The following HPX variants were observed in gnomAD, a reference collection of about 807,000 sequenced individuals.
HPX encodes the protein hemopexin.
In HPX, 42 loss-of-function variants were observed where a neutral mutation model predicts 53.8. The observed-to-expected ratio is 0.78, with a 90% CI of 0.61 to 1.01. HPX has a LOEUF of 1.01. Ranked by LOEUF, HPX falls within the 50% of genes least tolerant of loss-of-function variation. The pLI is 0.00. For missense variants in HPX, 547 were observed against 594.3 expected, an observed-to-expected ratio of 0.92 and a Z score of 0.83; for synonymous variants, 229 against 221.1, an observed-to-expected ratio of 1.04 and a Z score of -0.32.
In HPX at chr11:6,440,954, C is replaced by A. The variant is rs757829247; in HGVS notation, c.10G>T (p.Val4Leu). The A allele has an allele frequency of 1.2e-6, 2 of 1,604,942 alleles. No homozygotes were observed. The highest frequency in any genetic ancestry group is 2.7e-5 in the African/African-American group (2 of 74,834). MAR[V>L]LGAPVALGLW... ...CCCAGTGCAACGGGTGCTCCCAGTA[C>A]CCTAGCCATGCTGAGCTGCAGAGGC... Residue 4 changes from valine (V) to leucine (L), a missense_variant, in exon 1 of 10, where the codon GTA becomes TTA. Val to Leu is a conservative substitution (Grantham distance 32). Transcript: ENST00000265983.
intron 7 of HPX, among the ~76,000 whole-genome samples, chr11:6,434,254 C>A (rs577746335): frequency 6.6e-6 from 1 of 152,194 alleles, no homozygotes; most frequent in Non-Finnish European, 1.5e-5. Context: ...GAGTATACAG[C>A]GGTGACTGAC....
intron 6 of HPX, 73 bp from the exon 7 acceptor site, chr11:6,437,250 T>C: frequency 6.5e-7 from 1 of 1,536,058 alleles, no homozygotes; most frequent in Non-Finnish European, 8.8e-7. Flanking sequence ...GTGGAAGAGA[T>C]GGCTGGGGTT....
intron 7 of HPX, 119 bp downstream of exon 7, chr11:6,436,927 G>A: frequency 9.1e-7 from 1 of 1,097,994 alleles, no homozygotes; most frequent in South Asian, 1.4e-5. Context: ...GCAGAAGGAT[G>A]GGGACAGAGG....
rs148617877 is a variant in HPX at position 6,431,282 on chromosome 11, C to G, written c.1318G>C (p.Glu440Gln). ...AGGGCCTTGGCTGCATTCAGTTTCTCCACATCACTGTAGCAGTACAAATTG... is the reference window on the plus strand; with the variant it reads ...AGGGCCTTGGCTGCATTCAGTTTCTGCACATCACTGTAGCAGTACAAATTG... Reference protein sequence around the residue: ...GPNLYCYSDVEKLNAAKALPQ... With the variant: ...GPNLYCYSDVQKLNAAKALPQ... The change falls in exon 10 of 10, where the codon GAG (glutamate) becomes CAG (glutamine). Residue 440 changes from glutamate (E) to glutamine (Q), a missense_variant. Transcript: ENST00000265983. 1 of 1,614,148 alleles carries G rather than the reference C, an allele frequency of 6.2e-7. No individual in the cohort carries two copies. The highest frequency in any genetic ancestry group is 1.3e-5 in the African/African-American group (1 of 74,950).
Position 6,440,981 on chromosome 11 carries a change from A to T in HPX, c.-18T>A. The T allele has an allele frequency of 6.3e-7, 1 of 1,581,576 alleles. No individual in the cohort carries two copies. Among genetic ancestry groups the T allele is most frequent in the Non-Finnish European group, 8.6e-7 (1 of 1,158,692 alleles). ...CTAGCCATGCTGAGCTGCAGAGGCC[A>T]CAGGACAGCTCTGGGTGACCAGTTG... On this transcript the variant is annotated 5_prime_UTR_variant, in exon 1 of 10. Transcript: ENST00000265983.
intron 4 of HPX, 117 bp from the exon 5 acceptor site, chr11:6,438,626 C>G: frequency 1.1e-6 from 1 of 889,260 alleles, no homozygotes; most frequent in Non-Finnish European, 1.8e-6. Context: ...CCTACACATT[C>G]TCAGTCCATC....
chr11:6,431,960 G>C lies in HPX; in HGVS notation c.893C>G (p.Ala298Gly). Reference sequence around the variant, plus strand: ...TGAAGGACCCTGGGGCCACTGATGAGCAATGGGCCAGCTATGCCAGCCATC... The same window carrying C: ...TGAAGGACCCTGGGGCCACTGATGACCAATGGGCCAGCTATGCCAGCCATC... ...SRDGWHSWPI[A>G]HQWPQGPSAV... is the part of the protein sequence containing the mutation. Residue 298 changes from alanine to glycine, a missense_variant, in exon 8 of 10, where the codon GCT (alanine) becomes GGT (glycine). By Grantham distance (60) the Ala-to-Gly change is moderately conservative. Transcript: ENST00000265983. 6.2e-7 allele frequency: 1 copy of C among 1,614,172 alleles called. No homozygotes were observed. Among genetic ancestry groups the C allele is most frequent in the Non-Finnish European group, 8.5e-7 (1 of 1,179,988 alleles).
intron 5 of HPX, chr11:6,437,989 A>G: frequency 2.0e-6 from 1 of 512,340 alleles, no homozygotes; most frequent in Non-Finnish European, 3.5e-6. Flanking sequence ...GTGTACAGAG[A>G]ATAGCATAGG....
At chr11:6,435,997 G>A (rs2134134926) in intron 7 of HPX, among the ~76,000 whole-genome samples, 1 of 152,154 alleles carries the variant, frequency 6.6e-6, no homozygotes, top group South Asian at 2.1e-4. Flanking sequence ...TTGTCTGTGT[G>A]TCCTCCCAAT....
Position 6,431,147 on chromosome 11 carries a change from C to G in HPX, c.*64G>C. ...GGCCCCTCAGTGAGAAGCGAAGAAG[C>G]AATCTGTCTTTATTATGAGGAACTA... On this transcript the variant is annotated 3_prime_UTR_variant, in exon 10 of 10. Coordinates refer to ENST00000265983, the MANE Select transcript of HPX (RefSeq NM_000613.3). The G allele has an allele frequency of 6.3e-7, 1 of 1,592,636 alleles. No individual in the cohort carries two copies.
In HPX at chr11:6,440,461, T is replaced by C; in HGVS notation, c.214+6A>G. Reference sequence around the variant, plus strand: ...TCCTAAACGCCCTAACCTCAGTCCCTCCTACCTTTAAAAAACAGCATGGTT... The same window carrying C: ...TCCTAAACGCCCTAACCTCAGTCCCCCCTACCTTTAAAAAACAGCATGGTT... On this transcript the variant is annotated splice_donor_region_variant and intron_variant, in intron 3 of 9. Coordinates refer to ENST00000265983, the MANE Select transcript of HPX (RefSeq NM_000613.3). 1 of 1,607,912 alleles carries C rather than the reference T, an allele frequency of 6.2e-7. No homozygotes were observed. The highest frequency in any genetic ancestry group is 8.5e-7 in the Non-Finnish European group (1 of 1,177,990).
rs763023770 is a variant in HPX at position 6,440,915 on chromosome 11, A to C, written c.49T>G (p.Cys17Gly). The change falls in exon 1 of 10, where the codon TGC becomes GGC. Residue 17 changes from cysteine (C) to glycine (G), a missense_variant. Transcript: ENST00000265983. ...APVALGLWSL[C>G]WSLAIATPLP... Reference sequence around the variant, plus strand: ...GGGGTGGCAATGGCCAGAGACCAGCATAGGCTCCACAACCCCAGTGCAACG... The same window carrying C: ...GGGGTGGCAATGGCCAGAGACCAGCCTAGGCTCCACAACCCCAGTGCAACG... 6 of 1,612,736 alleles carry C rather than the reference A, an allele frequency of 3.7e-6. No individual in the cohort carries two copies. In the African/African-American group the frequency reaches 8.0e-5, roughly 22 times the overall value.
rs1349923309 is a variant in HPX at position 6,438,494 on chromosome 11, C to A, written c.352G>T (p.Val118Leu). 1.9e-6 allele frequency: 3 copies of A among 1,613,936 alleles called. No individual in the cohort carries two copies. Among genetic ancestry groups the A allele is most frequent in the African/African-American group, 2.7e-5 (2 of 74,912 alleles). Reference sequence around the variant, plus strand: ...TTCTCCTTCTTTTCAGGAGGGTATACCCAGACTTTGTCCCCCTGCATTCAA... The same window carrying A: ...TTCTCCTTCTTTTCAGGAGGGTATAACCAGACTTTGTCCCCCTGCATTCAA... ...VFLIKGDKVWVYPPEKKEKGY... is the reference protein window; with the variant it reads ...VFLIKGDKVWLYPPEKKEKGY... The change falls in exon 5 of 10, where the codon GTA becomes TTA. Residue 118 changes from valine to leucine, a missense_variant. Coordinates refer to ENST00000265983, the MANE Select transcript of HPX (RefSeq NM_000613.3).
At chr11:6,431,566 C>T (rs1306761776) in intron 9 of HPX, 75 bp downstream of exon 9, 6 of 1,606,398 alleles carry the variant, frequency 3.7e-6, no homozygotes, top group East Asian at 2.2e-5. Context: ...TAGGCCTTCT[C>T]ATGCCCTGGT....
chr11:6,439,296 C>T (rs1428712234), intron 4 of HPX, among the ~76,000 whole-genome samples: 1 of 152,232 alleles, frequency 6.6e-6, no homozygotes, highest in East Asian at 1.9e-4. Context: ...ATAACCAAGG[C>T]CCAGATCATG....
intron 5 of HPX, 145 bp downstream of exon 5, chr11:6,438,198 CACGTGACCTCTAG>C: frequency 1.4e-6 from 1 of 721,696 alleles, no homozygotes; most frequent in Admixed American, 2.4e-5. Context: ...CTCCTTCCCT[CACGTGACCTCTAG>C]ACCATACGTG....
At position 6,431,788 on chromosome 11, in the gene HPX, C is replaced by CAT; in HGVS notation, c.980_981dup (p.Val328MetfsTer4). The CAT allele has an allele frequency of 6.2e-7, 1 of 1,614,172 alleles. No individual in the cohort carries two copies. Among genetic ancestry groups the CAT allele is most frequent in the Non-Finnish European group, 8.5e-7 (1 of 1,180,036 alleles). ...GTATAGCCTCCCTTTGTCAGGAAGA[C>CAT]ATATACCTGGGTGCCCTGGAGGACA... On this transcript the variant is annotated frameshift_variant, in exon 9 of 10. Transcript: ENST00000265983. LOFTEE classifies it high-confidence loss of function.
intron 5 of HPX, chr11:6,438,117 G>T: frequency 1.8e-6 from 1 of 568,950 alleles, no homozygotes; most frequent in Non-Finnish European, 3.1e-6. Context: ...TTTGTCCTAA[G>T]GGTCATGGGG....
At position 6,437,148 on chromosome 11, in the gene HPX, CA is replaced by C. The variant is rs1564955593; in HGVS notation, c.732del (p.His244GlnfsTer18). On this transcript the variant is annotated frameshift_variant, in exon 7 of 10. Coordinates refer to ENST00000265983, the MANE Select transcript of HPX (RefSeq NM_000613.3). LOFTEE classifies it high-confidence loss of function. ...RGHGHRNGTG[H>X]GNSTHHGPEY... Reference sequence around the variant, plus strand: ...TCAGGGCCATGGTGGGTACTGTTCCCATGGCCAGTCCCATTCCTGTGTCCAT... The same window carrying C: ...TCAGGGCCATGGTGGGTACTGTTCCCTGGCCAGTCCCATTCCTGTGTCCAT... 6 of 1,614,012 alleles carry C rather than the reference CA, an allele frequency of 3.7e-6. No individual in the cohort carries two copies. Among genetic ancestry groups the C allele is most frequent in the Non-Finnish European group, 5.1e-6 (6 of 1,179,952 alleles).
Sources: gnomAD v4.1 joint callset for allele counts (sites outside exome capture counted in the v4.1 genomes callset) on GRCh38, gnomAD v4.1.1 for gene constraint, MANE v1.5 for transcripts, NCBI Gene and HGNC (gene_info 2026-07-23, HGNC 2026-07-21) for gene names.